The following CPEB4 variants were observed in gnomAD, a reference collection of about 807,000 sequenced individuals.
CPEB4 encodes cytoplasmic polyadenylation element-binding protein 4.
Under a neutral mutation model 72.5 loss-of-function variants are expected in CPEB4, and 12 were observed. The observed-to-expected ratio is 0.17, with a 90% CI of 0.11 to 0.27. The LOEUF (loss-of-function observed/expected upper bound fraction) is 0.27. CPEB4 is among the 10% of genes least tolerant of loss of function. The probability of loss-of-function intolerance (pLI) is 1.00; values close to 1 mark genes in which losing one functional copy is unlikely to be tolerated. For missense variants in CPEB4, 614 were observed against 908.5 expected (o/e 0.68, Z 4.17); for synonymous variants, 302 against 326.3 (o/e 0.93, Z 0.80).
chr5:173,931,957 A>T (rs1484468680), intron 2 of CPEB4, among the ~76,000 whole-genome samples: 1 of 152,154 alleles, frequency 6.6e-6, no homozygotes, highest in Non-Finnish European at 1.5e-5. Context: ...ATTTTTCATC[A>T]TATGTAAGTT....
chr5:173,930,218 T>C (rs1757395704), intron 2 of CPEB4, among the ~76,000 whole-genome samples: 5 of 152,118 alleles, frequency 3.3e-5, no homozygotes, highest in Admixed American at 3.3e-4. Flanking sequence ...CCACCACGCC[T>C]GGCTAATTTT....
At chr5:173,951,703 C>A in intron 7 of CPEB4, 121 bp from the exon 8 acceptor site, 1 of 634,126 alleles carries the variant, frequency 1.6e-6, no homozygotes, top group Non-Finnish European at 2.9e-6. Flanking sequence ...AGTTTCCCAG[C>A]TTTATTGACT....
In CPEB4 at chr5:173,907,788, CGG is replaced by C. The variant is rs570348050; in HGVS notation, c.1126-2734_1126-2733del. Among the ~76,000 whole-genome samples the C allele has an allele frequency of 3.5e-4, 53 of 152,286 alleles. 2 individuals carry two copies. In the South Asian group the frequency reaches 0.011, roughly 31 times the overall value. On this transcript the variant is annotated intron_variant, in intron 1 of 9. Coordinates refer to ENST00000265085, the MANE Select transcript of CPEB4 (RefSeq NM_030627.4). ...CACATAGAAAATGATAATTTTTAAA[CGG>C]AGATCATCTGCCAGGAAGCTCCTGC...
Position 173,890,255 on chromosome 5 carries a change from G to A in CPEB4, c.522G>A (p.Ala174=). Reference sequence around the variant, plus strand: ...CTGGTTTCAGTAACTGGTCAGCAGCGATAGCGCCTTCCTCCTCTACAATAA... The same window carrying A: ...CTGGTTTCAGTAACTGGTCAGCAGCAATAGCGCCTTCCTCCTCTACAATAA... The part of the protein sequence containing the change: ...SLTGFSNWSA[A]IAPSSSTIIN... The change falls in exon 1 of 10, where the codon GCG becomes GCA. Residue 174 remains alanine, a synonymous_variant. Transcript: ENST00000265085. 6.2e-7 allele frequency: 1 copy of A among 1,614,058 alleles called. No individual in the cohort carries two copies. Among genetic ancestry groups the A allele is most frequent in the Non-Finnish European group, 8.5e-7 (1 of 1,180,000 alleles).
At chr5:173,928,652 A>T (rs375698838) in intron 2 of CPEB4, among the ~76,000 whole-genome samples, 1 of 152,224 alleles carries the variant, frequency 6.6e-6, no homozygotes, top group South Asian at 2.1e-4. Flanking sequence ...TAGAAAAGCT[A>T]TAGAAACTTA....
At chr5:173,908,115 C>G (rs1037887176) in intron 1 of CPEB4, among the ~76,000 whole-genome samples, 1 of 152,156 alleles carries the variant, frequency 6.6e-6, no homozygotes, top group Non-Finnish European at 1.5e-5. Context: ...ACTTCTAAAC[C>G]TCAAATAATG....
At chr5:173,937,979 G>T (rs1213215474) in intron 3 of CPEB4, among the ~76,000 whole-genome samples, 1 of 152,156 alleles carries the variant, frequency 6.6e-6, no homozygotes, top group East Asian at 1.9e-4. Context: ...TTAAATTAGG[G>T]ATTAATTTAT....
chr5:173,927,559 C>T (rs911331520), intron 2 of CPEB4, among the ~76,000 whole-genome samples: 3 of 152,180 alleles, frequency 2.0e-5, no homozygotes, highest in Non-Finnish European at 4.4e-5. Flanking sequence ...AGGAGGATCA[C>T]GAGGTCAGGA....
intron 2 of CPEB4, among the ~76,000 whole-genome samples, chr5:173,917,112 A>G (rs911021622): frequency 6.6e-6 from 1 of 152,182 alleles, no homozygotes; most frequent in Non-Finnish European, 1.5e-5. Context: ...GAAACCTGCT[A>G]TGAGAGTTGC....
At chr5:173,909,706 A>C (rs1756572494) in intron 1 of CPEB4, among the ~76,000 whole-genome samples, 1 of 152,206 alleles carries the variant, frequency 6.6e-6, no homozygotes, top group African/African-American at 2.4e-5. Context: ...AAATAAGTAT[A>C]TAATTTATCT....
Position 173,959,213 on chromosome 5 carries a change from C to T in CPEB4, c.*3076C>T, listed in dbSNP as rs1417745686. The T allele has an allele frequency of 6.5e-6, 1 of 152,784 alleles. No individual in the cohort carries two copies. Among genetic ancestry groups the T allele is most frequent in the Non-Finnish European group, 1.5e-5 (1 of 68,026 alleles). 9.5% of individuals were successfully genotyped at this position (152,784 alleles called of 1,614,324 possible). A position where few individuals can be genotyped will look rare whatever the true frequency, so the allele number is the denominator to read the frequency against. On this transcript the variant is annotated 3_prime_UTR_variant, in exon 10 of 10. Coordinates refer to ENST00000265085, the MANE Select transcript of CPEB4 (RefSeq NM_030627.4). ...GCACTAGCATGGCGCCAGCCATGTA[C>T]TTACAATGTAGTTACAGAGTAATTA...
chr5:173,901,987 G>A (rs773006307), intron 1 of CPEB4, among the ~76,000 whole-genome samples: 3 of 152,184 alleles, frequency 2.0e-5, no homozygotes, highest in Non-Finnish European at 4.4e-5. Context: ...TTTGCTGCCT[G>A]TGTAGGGATG....
At position 173,889,463 on chromosome 5, in the gene CPEB4, C is replaced by T; in HGVS notation, c.-271C>T. 1 of 322,198 alleles carries T rather than the reference C, an allele frequency of 3.1e-6. No homozygotes were observed. Among genetic ancestry groups the T allele is most frequent in the Non-Finnish European group, 5.6e-6 (1 of 177,746 alleles). The allele number at this position is 322,198 out of a possible 1,614,324, so 20.0% of individuals were successfully genotyped here. On this transcript the variant is annotated 5_prime_UTR_variant, in exon 1 of 10. Coordinates refer to ENST00000265085, the MANE Select transcript of CPEB4 (RefSeq NM_030627.4). ...TTACTAACCAAAGACTTGATTTTTACCCTCTTCATTTTTATTCCCTCCTAA... is the reference window on the plus strand; with the variant it reads ...TTACTAACCAAAGACTTGATTTTTATCCTCTTCATTTTTATTCCCTCCTAA...
rs151222690 is a variant in CPEB4, at chr5:173,918,909, A to T, written c.1207+8305A>T. On this transcript the variant is annotated intron_variant, in intron 2 of 9. Coordinates refer to ENST00000265085, the MANE Select transcript of CPEB4 (RefSeq NM_030627.4). ...AAGGAATCCTATTTTGAGGCCATGAAAATCGGTTATCGTTTTATTCTTTGT... is the reference window on the plus strand; with the variant it reads ...AAGGAATCCTATTTTGAGGCCATGATAATCGGTTATCGTTTTATTCTTTGT... Among the ~76,000 whole-genome samples the T allele has an allele frequency of 3.0e-4, 46 of 152,300 alleles. 1 individual carries two copies. In the East Asian group the frequency reaches 8.5e-3, roughly 28 times the overall value.
intron 2 of CPEB4, among the ~76,000 whole-genome samples, chr5:173,916,182 A>C (rs1049615612): frequency 3.3e-5 from 5 of 152,234 alleles, no homozygotes; most frequent in African/African-American, 7.2e-5. Flanking sequence ...TTCAGATATG[A>C]AATTATGACT....
Position 173,950,214 on chromosome 5 carries a change from G to T in CPEB4, c.1665+136G>T. The T allele has an allele frequency of 1.8e-6, 1 of 554,516 alleles. No homozygotes were observed. Among genetic ancestry groups the T allele is most frequent in the East Asian group, 3.1e-5 (1 of 32,152 alleles). The allele number at this position is 554,516 out of a possible 1,614,324, so 34.3% of individuals were successfully genotyped here. A position where few individuals can be genotyped will look rare whatever the true frequency, so the allele number is the denominator to read the frequency against. On this transcript the variant is annotated intron_variant, in intron 7 of 9. Coordinates refer to ENST00000265085, the MANE Select transcript of CPEB4 (RefSeq NM_030627.4). The surrounding 1 kb of genome is among the most constrained non-coding windows in gnomAD (Gnocchi z 5.0). ...TGTAAGCAGACTAAGTAGTCTTGTT[G>T]TGAAGTTCTTAACATTGACATTCTG...
At chr5:173,949,458 AATG>A (rs756368474) in intron 5 of CPEB4, 47 bp from the exon 6 acceptor site, 2 of 1,364,188 alleles carry the variant, frequency 1.5e-6, no homozygotes, top group South Asian at 1.3e-5. Context: ...ACTTTCAAAA[AATG>A]ATCATAAAAA....
chr5:173,945,379 G>GTTC (rs1223978515), intron 5 of CPEB4, among the ~76,000 whole-genome samples: 13 of 152,190 alleles, frequency 8.5e-5, no homozygotes, highest in Non-Finnish European at 1.8e-4. Context: ...AAACATCACT[G>GTTC]GGAAAGCTTC....
intron 2 of CPEB4, among the ~76,000 whole-genome samples, chr5:173,929,790 G>A (rs979717826): frequency 6.6e-6 from 1 of 152,170 alleles, no homozygotes; most frequent in Admixed American, 6.6e-5. Flanking sequence ...CTATTGCAAT[G>A]TTAGCATTAA....
Sources: allele counts gnomAD v4.1 joint callset (sites outside exome capture counted in the v4.1 genomes callset), GRCh38; gene constraint gnomAD v4.1.1; non-coding constraint Gnocchi (gnomAD v3.1); transcripts MANE v1.5; gene names NCBI Gene and HGNC (gene_info 2026-07-23, HGNC 2026-07-21).